The following KLHL26 variants were observed in gnomAD, a reference collection of about 807,000 sequenced individuals.
KLHL26 encodes the protein kelch-like protein 26.
Under a neutral mutation model 7.1 loss-of-function variants are expected in KLHL26, and 4 were observed. That is an observed-to-expected ratio of 0.56 (90% CI 0.28 to 1.28). The LOEUF (loss-of-function observed/expected upper bound fraction) is 1.28, where lower values mean the gene tolerates loss of function less well. Ranked by LOEUF, KLHL26 falls within the 50% of genes most tolerant of loss-of-function variation. The pLI, the probability that KLHL26 is intolerant of heterozygous loss-of-function variation, is 0.11. For synonymous variants in KLHL26, 465 were observed against 414.1 expected (o/e 1.12, Z -1.49); for missense variants, 896 against 924.6 (o/e 0.97, Z 0.40).
At chr19:18,647,191 A>G (rs888943790) in intron 1 of KLHL26, among the ~76,000 whole-genome samples, 1 of 152,216 alleles carries the variant, frequency 6.6e-6, no homozygotes, top group Non-Finnish European at 1.5e-5. Context: ...TTCAACCTGA[A>G]TCGTGCAGTG....
rs746287367 is a variant in KLHL26 at position 18,668,829 on chromosome 19, C to T, written c.1432C>T (p.Leu478=). ...YGISVEDKKA[L]HCYDPVADQW... is the part of the protein sequence containing the mutation. Reference sequence around the variant, plus strand: ...GATCTCAGTGGAGGACAAGAAGGCCCTGCACTGCTACGACCCCGTGGCCGA... The same window carrying T: ...GATCTCAGTGGAGGACAAGAAGGCCTTGCACTGCTACGACCCCGTGGCCGA... The change falls in exon 3 of 3, where the codon CTG becomes TTG. Residue 478 remains leucine, a synonymous_variant. Coordinates refer to ENST00000300976, the MANE Select transcript of KLHL26 (RefSeq NM_018316.3). The T allele has an allele frequency of 3.8e-6, 6 of 1,595,018 alleles. No homozygotes were observed. The highest frequency in any genetic ancestry group is 4.2e-6 in the Non-Finnish European group (5 of 1,177,312).
rs761918202 is a variant in KLHL26, at chr19:18,649,006, A to T, written c.83+11869A>T. ...CTCTCAGAACAAAATCTACTTCTTG[A>T]TGTGACCCGCTGGGCCCCTGAGCTT... On this transcript the variant is annotated intron_variant, in intron 1 of 2. Transcript: ENST00000300976. The surrounding 1 kb of genome is among the most constrained non-coding windows in gnomAD (Gnocchi z 4.0). 2.0e-5 allele frequency among the ~76,000 whole-genome samples: 3 copies of T among 152,148 alleles called. No homozygotes were observed. Among genetic ancestry groups the T allele is most frequent in the Non-Finnish European group, 2.9e-5 (2 of 68,022 alleles).
rs1976806808 is a variant in KLHL26 at position 18,646,648 on chromosome 19, C to G, written c.83+9511C>G. Among the ~76,000 whole-genome samples, 1 of 152,100 alleles carries G rather than the reference C, an allele frequency of 6.6e-6. No individual in the cohort carries two copies. Among genetic ancestry groups the G allele is most frequent in the African/African-American group, 2.4e-5 (1 of 41,404 alleles). On this transcript the variant is annotated intron_variant, in intron 1 of 2. Coordinates refer to ENST00000300976, the MANE Select transcript of KLHL26 (RefSeq NM_018316.3). This position sits in a 1 kb window ranked among gnomAD's most constrained non-coding sequence, Gnocchi z 5.0. Reference sequence around the variant, plus strand: ...TGGGAGGAAACGAGTGGGGAGAGGTCACATGTACCTCATCAGTGTTACTGT... The same window carrying G: ...TGGGAGGAAACGAGTGGGGAGAGGTGACATGTACCTCATCAGTGTTACTGT...
At position 18,648,253 on chromosome 19, in the gene KLHL26, C is replaced by T. The variant is rs1214729180; in HGVS notation, c.83+11116C>T. Among the ~76,000 whole-genome samples, 1 of 152,182 alleles carries T rather than the reference C, an allele frequency of 6.6e-6. No individual in the cohort carries two copies. Among genetic ancestry groups the T allele is most frequent in the Non-Finnish European group, 1.5e-5 (1 of 68,030 alleles). On this transcript the variant is annotated intron_variant, in intron 1 of 2. Transcript: ENST00000300976. The surrounding 1 kb of genome is among the most constrained non-coding windows in gnomAD (Gnocchi z 4.9). ...GGCGCAGTGGCGGGTGCTTGTAGTCCCAGCTGCTCTGGAGGCTGAGGCACG... is the reference window on the plus strand; with the variant it reads ...GGCGCAGTGGCGGGTGCTTGTAGTCTCAGCTGCTCTGGAGGCTGAGGCACG...
chr19:18,663,378 T>C (rs916728248), intron 1 of KLHL26, among the ~76,000 whole-genome samples: 7 of 152,190 alleles, frequency 4.6e-5, no homozygotes, highest in African/African-American at 1.7e-4. Context: ...CTATGTTGAC[T>C]GAGTGCCCAC....
chr19:18,664,976 G>C (rs1384065195), intron 2 of KLHL26, among the ~76,000 whole-genome samples: 1 of 152,014 alleles, frequency 6.6e-6, no homozygotes, highest in Non-Finnish European at 1.5e-5. Flanking sequence ...CATGCCTGGA[G>C]GGACAGAGAT....
chr19:18,642,006 G>A (rs1238384733), intron 1 of KLHL26, among the ~76,000 whole-genome samples: 2 of 152,208 alleles, frequency 1.3e-5, no homozygotes, highest in East Asian at 3.9e-4. Flanking sequence ...AACTGATAGG[G>A]GCATCTCATG....
intron 1 of KLHL26, among the ~76,000 whole-genome samples, chr19:18,651,997 G>A (rs2052263183): frequency 6.6e-6 from 1 of 152,206 alleles, no homozygotes; most frequent in Non-Finnish European, 1.5e-5. Flanking sequence ...CCTGGATGGG[G>A]ACCCAGCTGG....
rs1381091703 is a variant in KLHL26, at chr19:18,668,369, C to A, written c.972C>A (p.Arg324=). 1 of 1,607,854 alleles carries A rather than the reference C, an allele frequency of 6.2e-7. No homozygotes were observed. The highest frequency in any genetic ancestry group is 1.7e-5 in the Admixed American group (1 of 59,918). ...GCACGCCCTACACCGACAGCGACCG[C>A]TCGGTCAGCAGCAAGGTCTACCAGC... ...FGGTPYTDSD[R]SVSSKVYQLP... Residue 324 remains arginine, a synonymous_variant, in exon 3 of 3, where the codon CGC becomes CGA. Transcript: ENST00000300976.
intron 2 of KLHL26, 124 bp from the exon 3 acceptor site, chr19:18,667,540 C>T (rs1187433858): frequency 1.4e-6 from 2 of 1,456,878 alleles, no homozygotes; most frequent in Non-Finnish European, 1.8e-6. Flanking sequence ...CGCCTACTTT[C>T]CTCTTGCTGG....
At position 18,650,041 on chromosome 19, in the gene KLHL26, A is replaced by G. The variant is rs75175787; in HGVS notation, c.83+12904A>G. ...TCCTGCGAGGGCAAGGGCTTCCGGA[A>G]TTGAACAGGCTGGGCCTGGAGGAGA... On this transcript the variant is annotated intron_variant, in intron 1 of 2. Transcript: ENST00000300976. This position sits in a 1 kb window ranked among gnomAD's most constrained non-coding sequence, Gnocchi z 4.2. 3.4e-3 allele frequency among the ~76,000 whole-genome samples: 515 copies of G among 152,322 alleles called. 3 individuals are homozygous for G. The highest frequency in any genetic ancestry group is 6.8e-3 in the Middle Eastern group (2 of 294).
chr19:18,659,568 A>G (rs1029821166), intron 1 of KLHL26: 1 of 152,140 alleles, frequency 6.6e-6, no homozygotes, highest in Admixed American at 6.5e-5. Context: ...TTCTGGCCCG[A>G]GCGCTGGGCT....
chr19:18,642,782 CCTT>C (rs1976737923), intron 1 of KLHL26, among the ~76,000 whole-genome samples: 1 of 149,480 alleles, frequency 6.7e-6, no homozygotes, highest in Non-Finnish European at 1.5e-5. Flanking sequence ...CTCAAGCTAT[CCTT>C]CTGCTTCAGC....
In KLHL26 at chr19:18,668,678, G is replaced by A. The variant is rs1382147136; in HGVS notation, c.1281G>A (p.Leu427=). The stretch of plus-strand genomic sequence containing the variant: ...GCGGCCGCAACCGAGCCGGCAGCCT[G>A]GCCTCCGTGGAGCGGTACTGCCCCC... ...ATGGRNRAGS[L]ASVERYCPRR... is the part of the protein sequence containing the mutation. The change falls in exon 3 of 3, where the codon CTG becomes CTA. Residue 427 remains leucine (L), a synonymous_variant. Coordinates refer to ENST00000300976, the MANE Select transcript of KLHL26 (RefSeq NM_018316.3). 1.3e-6 allele frequency: 2 copies of A among 1,574,884 alleles called. No individual in the cohort carries two copies. The highest frequency in any genetic ancestry group is 3.5e-5 in the Admixed American group (2 of 57,240).
chr19:18,660,648 G>A (rs1234396172), intron 1 of KLHL26, among the ~76,000 whole-genome samples: 3 of 152,156 alleles, frequency 2.0e-5, no homozygotes, highest in Non-Finnish European at 2.9e-5. Flanking sequence ...GCCCACCTCC[G>A]CCCAGGCTGC....
intron 1 of KLHL26, among the ~76,000 whole-genome samples, chr19:18,658,692 T>A (rs2052360466): frequency 6.7e-6 from 1 of 150,358 alleles, no homozygotes; most frequent in African/African-American, 2.5e-5. Context: ...TCTTGCTGGG[T>A]CTCTCTTTCC....
At position 18,650,083 on chromosome 19, in the gene KLHL26, T is replaced by G. The variant is rs1341021229; in HGVS notation, c.83+12946T>G. The stretch of plus-strand genomic sequence containing the variant: ...TGGAGGAGATCTTGAGGGGTGGACC[T>G]TCAGGCTTGTAAAGGCCTGGAGGGG... On this transcript the variant is annotated intron_variant, in intron 1 of 2. Coordinates refer to ENST00000300976, the MANE Select transcript of KLHL26 (RefSeq NM_018316.3). The surrounding 1 kb of genome is among the most constrained non-coding windows in gnomAD (Gnocchi z 4.2). Among the ~76,000 whole-genome samples, 1 of 152,214 alleles carries G rather than the reference T, an allele frequency of 6.6e-6. No individual in the cohort carries two copies. The highest frequency in any genetic ancestry group is 2.4e-5 in the African/African-American group (1 of 41,458).
rs10410825 is a variant in KLHL26, at chr19:18,669,722, G to A, written c.*477G>A. On this transcript the variant is annotated 3_prime_UTR_variant, in exon 3 of 3. Coordinates refer to ENST00000300976, the MANE Select transcript of KLHL26 (RefSeq NM_018316.3). ...GCGTGTTTTTAAAATAAACTCACCCGAAACGTCCGTAACACACGGACCTCC... is the reference window on the plus strand; with the variant it reads ...GCGTGTTTTTAAAATAAACTCACCCAAAACGTCCGTAACACACGGACCTCC... The A allele has an allele frequency of 0.012, 2,132 of 183,296 alleles. 42 individuals are homozygous for A. Among genetic ancestry groups the A allele is most frequent in the African/African-American group, 0.046 (1,968 of 42,564 alleles). 11.4% of individuals were successfully genotyped at this position (183,296 alleles called of 1,614,324 possible). A position where few individuals can be genotyped will look rare whatever the true frequency, so the allele number is the denominator to read the frequency against.
rs1343584576 is a variant in KLHL26, at chr19:18,669,775, C to T, written c.*530C>T. The T allele has an allele frequency of 6.4e-6, 1 of 157,432 alleles. No homozygotes were observed. 9.8% of individuals were successfully genotyped at this position (157,432 alleles called of 1,614,324 possible). A position where few individuals can be genotyped will look rare whatever the true frequency, so the allele number is the denominator to read the frequency against. On this transcript the variant is annotated 3_prime_UTR_variant, in exon 3 of 3. Transcript: ENST00000300976. ...GAGCAGTGAGAGGTGGCTTAGAAGC[C>T]CCTGGTTTGGGGTGGGTGGAGGAGG...
Sources: allele counts gnomAD v4.1 joint callset (sites outside exome capture counted in the v4.1 genomes callset), GRCh38; gene constraint gnomAD v4.1.1; non-coding constraint Gnocchi (gnomAD v3.1); transcripts MANE v1.5; gene names NCBI Gene and HGNC (gene_info 2026-07-23, HGNC 2026-07-21).